CEP70: variants seen among roughly 807,000 people sequenced by gnomAD.
The protein encoded by CEP70 is centrosomal protein of 70 kDa.
CEP70 carries 70 observed loss-of-function variants against 90.9 expected under a neutral mutation model. That is an observed-to-expected ratio of 0.77 (90% CI 0.64 to 0.94). CEP70 has a LOEUF of 0.94. CEP70 is among the 40% of genes least tolerant of loss of function. CEP70 has a pLI of 0.00. For synonymous variants in CEP70, 220 were observed against 228.3 expected, an observed-to-expected ratio of 0.96 and a Z score of 0.33; for missense variants, 648 against 669.0, an observed-to-expected ratio of 0.97 and a Z score of 0.35.
At chr3:138,584,271 A>G (rs1388610555) in intron 2 of CEP70, among the ~76,000 whole-genome samples, 1 of 152,040 alleles carries the variant, frequency 6.6e-6, no homozygotes, top group Admixed American at 6.5e-5. Flanking sequence ...CATTGAAGCT[A>G]TAATAAAAAG....
intron 1 of CEP70, chr3:138,593,154 ATATT>A (rs537918238): frequency 4.3e-4 from 66 of 152,338 alleles, no homozygotes; most frequent in African/African-American, 1.5e-3. Context: ...CTACTTGGCA[ATATT>A]TAAAGTACAA....
chr3:138,536,016 T>C (rs1019764537), intron 7 of CEP70, among the ~76,000 whole-genome samples: 1 of 152,124 alleles, frequency 6.6e-6, no homozygotes, highest in Non-Finnish European at 1.5e-5. Flanking sequence ...TATCAAAAAA[T>C]CTATAGTTTT....
intron 2 of CEP70, among the ~76,000 whole-genome samples, chr3:138,582,838 C>T (rs777857940): frequency 2.6e-5 from 4 of 151,964 alleles, no homozygotes; most frequent in Non-Finnish European, 5.9e-5. Context: ...GGTGACCTTA[C>T]ATCCAAAAAC....
intron 13 of CEP70, among the ~76,000 whole-genome samples, 173 bp downstream of exon 13, chr3:138,505,122 T>A (rs983336706): frequency 6.6e-6 from 1 of 152,184 alleles, no homozygotes; most frequent in Non-Finnish European, 1.5e-5. Flanking sequence ...CTAAAATAGA[T>A]ATGTAAGTAG....
chr3:138,577,907 AAAGT>A (rs2041640709), intron 2 of CEP70, among the ~76,000 whole-genome samples: 2 of 152,262 alleles, frequency 1.3e-5, no homozygotes, highest in South Asian at 4.1e-4. Context: ...AAAGCAGTTA[AAAGT>A]AAGAGAATAA....
intron 17 of CEP70, chr3:138,497,510 T>C (rs2034054335): frequency 1.0e-6 from 1 of 972,390 alleles, no homozygotes; most frequent in African/African-American, 1.8e-5. Flanking sequence ...GCAAATTTTT[T>C]CCTTTTAGGA....
At chr3:138,593,999 G>A (rs2042528819) in intron 1 of CEP70, 199 bp downstream of exon 1, 1 of 152,332 alleles carries the variant, frequency 6.6e-6, no homozygotes, top group Non-Finnish European at 1.5e-5. Context: ...CACAAAGCCT[G>A]GGGAGCTGGG....
chr3:138,518,191 G>A (rs546115806), intron 11 of CEP70, among the ~76,000 whole-genome samples: 2 of 152,262 alleles, frequency 1.3e-5, no homozygotes, highest in East Asian at 1.9e-4. Flanking sequence ...CAGGAAGCTC[G>A]AACTGGGTGG....
chr3:138,520,549 A>G (rs891299841), intron 11 of CEP70, among the ~76,000 whole-genome samples: 19 of 152,296 alleles, frequency 1.2e-4, no homozygotes, highest in Non-Finnish European at 2.6e-4. Context: ...CCACTCAACT[A>G]CATGGAAACT....
At chr3:138,569,533 T>C (rs753781685) in intron 6 of CEP70, among the ~76,000 whole-genome samples, 1 of 152,164 alleles carries the variant, frequency 6.6e-6, no homozygotes, top group Non-Finnish European at 1.5e-5. Context: ...TGTTATAAAA[T>C]TGCCATTTCT....
At chr3:138,571,825 C>A (rs571626481) in intron 3 of CEP70, among the ~76,000 whole-genome samples, 1 of 152,304 alleles carries the variant, frequency 6.6e-6, no homozygotes, top group East Asian at 1.9e-4. Flanking sequence ...GTCACCTAGG[C>A]TGGAGTGCAG....
At chr3:138,530,944 GGAGA>G (rs1289595202) in intron 8 of CEP70, 3 of 552,446 alleles carry the variant, frequency 5.4e-6, no homozygotes, top group East Asian at 1.5e-4. Flanking sequence ...TCCCTCCTTA[GGAGA>G]GAGACTCTTT....
rs1367903287 is a variant in CEP70 at position 138,523,435 on chromosome 3, G to T, written c.944+2055C>A. Among the ~76,000 whole-genome samples the T allele has an allele frequency of 7.2e-5, 11 of 152,204 alleles. 1 individual carries two copies. The East Asian group carries it at 2.1e-3, about 29-fold the overall frequency. On this transcript the variant is annotated intron_variant, in intron 11 of 17. Transcript: ENST00000264982. ...AATTAGGAAAAGAGGAAGTCAAATTGTCCCTGTTTGCAGATGACATGATTG... is the reference window on the plus strand; with the variant it reads ...AATTAGGAAAAGAGGAAGTCAAATTTTCCCTGTTTGCAGATGACATGATTG...
chr3:138,572,738 C>T, intron 3 of CEP70, 121 bp downstream of exon 3: 5 of 737,880 alleles, frequency 6.8e-6, no homozygotes, highest in Non-Finnish European at 1.2e-5. Context: ...AGTCTTTAAC[C>T]CAGCATTTCC....
At chr3:138,515,053 C>G (rs943011815) in intron 11 of CEP70, among the ~76,000 whole-genome samples, 1 of 151,926 alleles carries the variant, frequency 6.6e-6, no homozygotes, top group Admixed American at 6.6e-5. Context: ...CCCAAATAAA[C>G]AACAACAAGA....
chr3:138,592,323 C>T (rs1227902227), intron 1 of CEP70, among the ~76,000 whole-genome samples: 1 of 152,140 alleles, frequency 6.6e-6, no homozygotes, highest in Non-Finnish European at 1.5e-5. Context: ...AACACAGGAA[C>T]AAAACTACTC....
At chr3:138,540,700 G>A (rs2038687306) in intron 6 of CEP70, among the ~76,000 whole-genome samples, 1 of 152,130 alleles carries the variant, frequency 6.6e-6, no homozygotes, top group Non-Finnish European at 1.5e-5. Context: ...TCCTCAAAGA[G>A]CTAAAAGCAG....
intron 13 of CEP70, among the ~76,000 whole-genome samples, chr3:138,503,173 A>G (rs1360944631): frequency 6.6e-6 from 1 of 152,164 alleles, no homozygotes; most frequent in Non-Finnish European, 1.5e-5. Flanking sequence ...TACCCATTAA[A>G]CAATAACTTC....
intron 8 of CEP70, among the ~76,000 whole-genome samples, chr3:138,532,061 T>A (rs1310876411): frequency 6.6e-6 from 1 of 152,186 alleles, no homozygotes; most frequent in African/African-American, 2.4e-5. Flanking sequence ...CTATGCTTAT[T>A]TAATCAGGTG....
Sources: gnomAD v4.1 joint callset for allele counts (sites outside exome capture counted in the v4.1 genomes callset) on GRCh38, gnomAD v4.1.1 for gene constraint, MANE v1.5 for transcripts, NCBI Gene and HGNC (gene_info 2026-07-23, HGNC 2026-07-21) for gene names.